Variants in WDHD1 observed in about 807,000 individuals in gnomAD.
WDHD1 encodes the protein WD repeat and HMG-box DNA-binding protein 1.
In WDHD1, 111 loss-of-function variants were observed where a neutral mutation model predicts 135.4. That is an observed-to-expected ratio of 0.82 (90% CI 0.70 to 0.96). The LOEUF is 0.96. Among genes scored for constraint, WDHD1 ranks in the 40% least tolerant of loss-of-function variants. The pLI, the probability that WDHD1 is intolerant of heterozygous loss-of-function variation, is 0.00. For synonymous variants in WDHD1, 434 were observed against 439.0 expected, an observed-to-expected ratio of 0.99 and a Z score of 0.14; for missense variants, 1,351 against 1,336.3, an observed-to-expected ratio of 1.01 and a Z score of -0.17.
intron 16 of WDHD1, among the ~76,000 whole-genome samples, chr14:54,972,119 T>A (rs934013764): frequency 1.3e-5 from 2 of 151,440 alleles, no homozygotes; most frequent in African/African-American, 4.9e-5. Context: ...AAAAATATTT[T>A]AAAAAATTAG....
intron 19 of WDHD1, 41 bp downstream of exon 19, chr14:54,962,911 A>G (rs1380370487): frequency 1.9e-6 from 3 of 1,612,336 alleles, no homozygotes; most frequent in Non-Finnish European, 2.5e-6. Context: ...TTAACATTCA[A>G]GACAGTAAAG....
chr14:54,974,740 T>C (rs1440585637), intron 16 of WDHD1, among the ~76,000 whole-genome samples: 1 of 152,050 alleles, frequency 6.6e-6, no homozygotes, highest in Non-Finnish European at 1.5e-5. Context: ...GGCATAAGAA[T>C]CACTTGAACC....
chr14:54,963,135 T>C lies in WDHD1; in HGVS notation c.2348A>G (p.Glu783Gly). ...CKLEREFRCV[E>G]LADLMTQNAV... ...ATTTTGAGTCATTAGATCAGCAAGT[T>C]CCACACAACGGAATTCTCGCTCCAG... is the stretch of plus-strand genomic sequence containing the variant. The change falls in exon 19 of 26, where the codon GAA becomes GGA. Residue 783 changes from glutamate to glycine, a missense_variant. By Grantham distance (98) the Glu-to-Gly change is moderately conservative (BLOSUM62 -2). Transcript: ENST00000360586. 2 of 1,325,602 alleles carry C rather than the reference T, an allele frequency of 1.5e-6. No homozygotes were observed. Among genetic ancestry groups the C allele is most frequent in the Non-Finnish European group, 2.0e-6 (2 of 1,005,208 alleles). The allele number at this position is 1,325,602 out of a possible 1,614,324, so 82.1% of individuals were successfully genotyped here.
In WDHD1 at chr14:54,991,320, G is replaced by A. The variant is rs201445432; in HGVS notation, c.1234C>T (p.Pro412Ser). 44 of 1,614,136 alleles carry A rather than the reference G, an allele frequency of 2.7e-5. No homozygotes were observed. The East Asian group carries it at 9.6e-4, about 35-fold the overall frequency. ...AATGGCCTTTGGGATGTTACAAGTG[G>A]TAGATTGTGAATGCTGCCTTCTTGA... The part of the protein sequence containing the change: ...DGQEGSIHNL[P>S]LVTSQRPFYD... Residue 412 changes from proline (P) to serine (S), a missense_variant, in exon 12 of 26, where the codon CCA (proline) becomes TCA (serine). Transcript: ENST00000360586.
chr14:54,962,691 C>A (rs1371481151), intron 20 of WDHD1, 47 bp downstream of exon 20: 14 of 1,596,880 alleles, frequency 8.8e-6, no homozygotes, highest in Non-Finnish European at 1.2e-5. Flanking sequence ...GGAAAAGCCA[C>A]ATCCATGATA....
chr14:55,013,194 C>CAAAAAAAAAAAAAA (rs71448422), intron 3 of WDHD1, among the ~76,000 whole-genome samples: 907 of 82,214 alleles, frequency 0.011, 47 homozygotes, highest in African/African-American at 0.015. Context: ...GATCCCGTTT[C>CAAAAAAAAAAAAAA]AAAAAAAAAA....
rs766063683 is a variant in WDHD1 at position 54,989,135 on chromosome 14, G to A, written c.1419C>T (p.Thr473=). 4 of 1,613,380 alleles carry A rather than the reference G, an allele frequency of 2.5e-6. No homozygotes were observed. The African/African-American group carries it at 4.0e-5, about 16-fold the overall frequency. ...DNAIDVEFHD[T]SIHHATHLSN... is the part of the protein sequence containing the mutation. ...ATAAGTGTGTTGCATGGTGTATGGA[G>A]GTATCATGGAACTCCACATCTATGG... is the stretch of plus-strand genomic sequence containing the variant. Residue 473 remains threonine, a synonymous_variant, in exon 13 of 26, where the codon ACC becomes ACT. Transcript: ENST00000360586.
intron 2 of WDHD1, among the ~76,000 whole-genome samples, chr14:55,026,219 G>A (rs1037247349): frequency 1.3e-5 from 2 of 152,078 alleles, no homozygotes; most frequent in Non-Finnish European, 2.9e-5. Context: ...GCAGTAGTGC[G>A]TAAGAATGGG....
At chr14:55,024,613 A>T (rs989499079) in intron 2 of WDHD1, among the ~76,000 whole-genome samples, 2 of 151,962 alleles carry the variant, frequency 1.3e-5, no homozygotes, top group Non-Finnish European at 2.9e-5. Flanking sequence ...TAGACATAAG[A>T]GACTCCATTT....
intron 8 of WDHD1, 106 bp downstream of exon 8, chr14:55,001,987 G>A (rs2041987562): frequency 6.5e-6 from 5 of 769,112 alleles, no homozygotes; most frequent in South Asian, 6.4e-5. Flanking sequence ...ACAACAGCCA[G>A]GAGTTGTTTT....
In WDHD1 at chr14:54,941,511, A is replaced by G; in HGVS notation, c.3369T>C (p.Ala1123=). ...TCCTTTACTCCTGCTTAAATGCAAA[A>G]GCTGATAGTTTCTGATTTGTAGAAA... ...LDFSTNQKLS[A]FAFKQE Residue 1123 remains alanine (A), a synonymous_variant, in exon 26 of 26, where the codon GCT becomes GCC. Transcript: ENST00000360586. 6.2e-7 allele frequency: 1 copy of G among 1,612,156 alleles called. No homozygotes were observed. The highest frequency in any genetic ancestry group is 1.1e-5 in the South Asian group (1 of 90,516).
chr14:54,997,089 CTTTTTTT>C (rs71131246), intron 10 of WDHD1, among the ~76,000 whole-genome samples: 1 of 41,204 alleles, frequency 2.4e-5, no homozygotes, highest in African/African-American at 8.1e-5. Context: ...AGCGCCCAGC[CTTTTTTT>C]TTTTTTTTTT....
intron 11 of WDHD1, 104 bp downstream of exon 11, chr14:54,995,499 A>C: frequency 1.1e-6 from 1 of 910,148 alleles, no homozygotes; most frequent in Non-Finnish European, 1.6e-6. Flanking sequence ...TCTAAGCACC[A>C]CTTAGCTACA....
intron 21 of WDHD1, among the ~76,000 whole-genome samples, chr14:54,960,166 G>C (rs1471445243): frequency 2.6e-5 from 4 of 152,004 alleles, no homozygotes; most frequent in Non-Finnish European, 5.9e-5. Flanking sequence ...TCTGTAGTTT[G>C]TTTGTTTATT....
chr14:55,019,587 G>A (rs1288033123), intron 2 of WDHD1, among the ~76,000 whole-genome samples: 1 of 152,154 alleles, frequency 6.6e-6, no homozygotes, highest in Non-Finnish European at 1.5e-5. Context: ...TAAAGAGTAA[G>A]GCGGGGTGTG....
At position 54,981,611 on chromosome 14, in the gene WDHD1, T is replaced by G; in HGVS notation, c.1992A>C (p.Thr664=). The stretch of plus-strand genomic sequence containing the variant: ...CAGATTTTCCTTTGCAGTGCTCTCT[T>G]GTATTACATATAGGAGTCCACGTAT... The part of the protein sequence containing the change: ...LGNTWTPICN[T]REHCKGKSDH... Residue 664 remains threonine (T), a synonymous_variant, in exon 16 of 26, where the codon ACA becomes ACC. Coordinates refer to ENST00000360586, the MANE Select transcript of WDHD1 (RefSeq NM_007086.4). 1.2e-6 allele frequency: 2 copies of G among 1,613,478 alleles called. No homozygotes were observed. Among genetic ancestry groups the G allele is most frequent in the Non-Finnish European group, 1.7e-6 (2 of 1,179,610 alleles).
At chr14:54,968,399 T>C (rs1374536354) in intron 16 of WDHD1, among the ~76,000 whole-genome samples, 1 of 152,104 alleles carries the variant, frequency 6.6e-6, no homozygotes, top group Non-Finnish European at 1.5e-5. Context: ...TAAACACCTA[T>C]ATCAAGTTAG....
chr14:54,982,195 G>A (rs374239564), intron 15 of WDHD1, among the ~76,000 whole-genome samples: 1 of 151,712 alleles, frequency 6.6e-6, no homozygotes, highest in Non-Finnish European at 1.5e-5. Flanking sequence ...ATTTTTAGTA[G>A]AGACGGGGTT....
chr14:55,011,628 T>A (rs2042172037), intron 3 of WDHD1, among the ~76,000 whole-genome samples: 2 of 151,436 alleles, frequency 1.3e-5, no homozygotes, highest in South Asian at 4.1e-4. Flanking sequence ...CTTCTTAATT[T>A]TGTTATATTC....
Sources: allele counts gnomAD v4.1 joint callset (sites outside exome capture counted in the v4.1 genomes callset), GRCh38; gene constraint gnomAD v4.1.1; transcripts MANE v1.5; gene names NCBI Gene and HGNC (gene_info 2026-07-23, HGNC 2026-07-21).